Variants in RSAD1 observed in about 807,000 individuals in gnomAD.
RSAD1 encodes radical S-adenosyl methionine domain containing 1.
A neutral mutation model predicts 46.2 loss-of-function variants in RSAD1; 34 were observed. The observed-to-expected ratio is 0.74, with a 90% confidence interval of 0.56 to 0.98. The LOEUF is 0.98. Ranked by LOEUF, RSAD1 falls within the 50% of genes least tolerant of loss-of-function variation. The pLI, the probability that RSAD1 is intolerant of heterozygous loss-of-function variation, is 0.00. For synonymous variants in RSAD1, 260 were observed against 253.5 expected (o/e 1.03, Z -0.24); for missense variants, 635 against 592.3 (o/e 1.07, Z -0.75).
chr17:50,479,552 G>A (rs2143830729), intron 1 of RSAD1, 77 bp from the exon 2 acceptor site: 1 of 1,585,360 alleles, frequency 6.3e-7, no homozygotes, highest in Non-Finnish European at 8.6e-7. Flanking sequence ...GTGGGGGTGG[G>A]GTTGGGGGTG....
intron 3 of RSAD1, 113 bp from the exon 4 acceptor site, chr17:50,481,978 T>C: frequency 7.6e-7 from 1 of 1,312,232 alleles, no homozygotes; most frequent in Non-Finnish European, 1.0e-6. Flanking sequence ...CCTCCTGCCT[T>C]CCAGCTGCCT....
chr17:50,482,431 A>T lies in RSAD1; in HGVS notation c.815A>T (p.Tyr272Phe), dbSNP rs754144508. ...CTTCGGGAGGCTGGCTTCCACCAGT[A>T]TGAGGTCTCCAACTTTGCCCGGAAT... ...AVLREAGFHQYEVSNFARNGA... is the reference protein window; with the variant it reads ...AVLREAGFHQFEVSNFARNGA... Residue 272 changes from tyrosine (Y) to phenylalanine (F), a missense_variant, in exon 4 of 9, where the codon TAT (tyrosine) becomes TTT (phenylalanine). Coordinates refer to ENST00000258955, the MANE Select transcript of RSAD1 (RefSeq NM_018346.3). 1.3e-6 allele frequency: 2 copies of T among 1,589,186 alleles called. No homozygotes were observed. Among genetic ancestry groups the T allele is most frequent in the South Asian group, 2.3e-5 (2 of 88,108 alleles).
intron 2 of RSAD1, 52 bp from the exon 3 acceptor site, chr17:50,479,828 A>T: frequency 6.3e-7 from 1 of 1,591,410 alleles, no homozygotes; most frequent in Non-Finnish European, 8.6e-7. Flanking sequence ...GGATAGGTGC[A>T]GGCATCCCAG....
At position 50,484,939 on chromosome 17, in the gene RSAD1, G is replaced by A. The variant is rs910666577; in HGVS notation, c.*78G>A. 2.7e-5 allele frequency: 31 copies of A among 1,155,258 alleles called. No homozygotes were observed. Among genetic ancestry groups the A allele is most frequent in the African/African-American group, 1.1e-4 (7 of 66,212 alleles). The allele number at this position is 1,155,258 out of a possible 1,614,324, so 71.6% of individuals were successfully genotyped here. A position where few individuals can be genotyped will look rare whatever the true frequency, so the allele number is the denominator to read the frequency against. ...TCGGTACTGCAGACATCTCTTCTCC[G>A]TTGTCGGGTGCCGTCTCTGCTCCTT... On this transcript the variant is annotated 3_prime_UTR_variant, in exon 9 of 9. Transcript: ENST00000258955.
chr17:50,481,477 T>TA (rs934815044), intron 3 of RSAD1, among the ~76,000 whole-genome samples: 1 of 152,256 alleles, frequency 6.6e-6, no homozygotes, highest in Non-Finnish European at 1.5e-5. Context: ...AAGTTAAGTT[T>TA]AATTCACTTA....
At chr17:50,483,939 C>T (rs2033417897) in intron 7 of RSAD1, 179 bp downstream of exon 7, 1 of 612,002 alleles carries the variant, frequency 1.6e-6, no homozygotes, top group African/African-American at 1.9e-5. Flanking sequence ...TGGTGCATAG[C>T]TAAGAACCCT....
chr17:50,483,747 G>T lies in RSAD1; in HGVS notation c.1094G>T (p.Gly365Val). 3 of 1,610,308 alleles carry T rather than the reference G, an allele frequency of 1.9e-6. No individual in the cohort carries two copies. Among genetic ancestry groups the T allele is most frequent in the Non-Finnish European group, 1.7e-6 (2 of 1,178,966 alleles). ...VLALGLRTDV[G>V]ITHQHWQQFE... ...GCCCTGGGGCTACGCACCGATGTGG[G>T]GATCACTCACCAGGTAAGGAGTTAG... Residue 365 changes from glycine (G) to valine (V), a missense_variant, in exon 7 of 9, where the codon GGG becomes GTG. By Grantham distance (109) the Gly-to-Val change is moderately radical. Coordinates refer to ENST00000258955, the MANE Select transcript of RSAD1 (RefSeq NM_018346.3).
In RSAD1 at chr17:50,478,914, C is replaced by T. The variant is rs577328578; in HGVS notation, c.30C>T (p.Gly10=). Reference sequence around the variant, plus strand: ...CGCTCCCCGGAGCCCGGGCTCGCGGCTGGGCGGCAGCAGCCAGAGCGGCCC... The same window carrying T: ...CGCTCCCCGGAGCCCGGGCTCGCGGTTGGGCGGCAGCAGCCAGAGCGGCCC... MALPGARAR[G]WAAAARAAQR... is the part of the protein sequence containing the mutation. Residue 10 remains glycine (G), a synonymous_variant, in exon 1 of 9, where the codon GGC becomes GGT. Transcript: ENST00000258955. The T allele has an allele frequency of 4.3e-5, 57 of 1,329,392 alleles. No individual in the cohort carries two copies. The African/African-American group carries it at 8.1e-4, about 19-fold the overall frequency. The allele number at this position is 1,329,392 out of a possible 1,614,324, so 82.3% of individuals were successfully genotyped here.
chr17:50,480,655 T>C (rs764238114), intron 3 of RSAD1: 34 of 162,566 alleles, frequency 2.1e-4, no homozygotes, highest in Non-Finnish European at 3.2e-4. Flanking sequence ...TCCAAAACCT[T>C]TGGTGCCTAC....
At position 50,485,038 on chromosome 17, in the gene RSAD1, G is replaced by A. The variant is rs895772494; in HGVS notation, c.*177G>A. On this transcript the variant is annotated 3_prime_UTR_variant, in exon 9 of 9. Transcript: ENST00000258955. ...GTAGATGGGAGGACATTTCTGGTCA[G>A]GGAACTGGCATCCCATTCAGCATCT... 1.7e-6 allele frequency: 1 copy of A among 595,388 alleles called. No individual in the cohort carries two copies. The allele number at this position is 595,388 out of a possible 1,614,324, so 36.9% of individuals were successfully genotyped here.
chr17:50,483,743 G>A lies in RSAD1; in HGVS notation c.1090G>A (p.Val364Met). 6.2e-7 allele frequency: 1 copy of A among 1,611,430 alleles called. No homozygotes were observed. Among genetic ancestry groups the A allele is most frequent in the Non-Finnish European group, 8.5e-7 (1 of 1,179,254 alleles). Residue 364 changes from valine (V) to methionine (M), a missense_variant, in exon 7 of 9, where the codon GTG becomes ATG. Val to Met is a conservative substitution (Grantham distance 21, BLOSUM62 1). Coordinates refer to ENST00000258955, the MANE Select transcript of RSAD1 (RefSeq NM_018346.3). ...TTTGGCCCTGGGGCTACGCACCGAT[G>A]TGGGGATCACTCACCAGGTAAGGAG... is the stretch of plus-strand genomic sequence containing the variant. ...EVLALGLRTD[V>M]GITHQHWQQF...
At chr17:50,483,172 CAAAAA>C (rs71353643) in intron 5 of RSAD1, among the ~76,000 whole-genome samples, 163 bp from the exon 6 acceptor site, 1 of 68,478 alleles carries the variant, frequency 1.5e-5, no homozygotes, top group African/African-American at 7.2e-5. Flanking sequence ...GACACCACCT[CAAAAA>C]AAAAAAAAAA....
chr17:50,483,189 A>AATG, intron 5 of RSAD1, 151 bp from the exon 6 acceptor site: 3 of 264,312 alleles, frequency 1.1e-5, no homozygotes, highest in South Asian at 6.3e-5. Context: ...AAAAAAAAAA[A>AATG]AAAGAAAGAA....
intron 1 of RSAD1, 84 bp downstream of exon 1, chr17:50,479,103 T>G (rs974894017): frequency 1.6e-6 from 2 of 1,252,020 alleles, no homozygotes; most frequent in African/African-American, 3.1e-5. Context: ...AGGTGGCGGT[T>G]TGTCACTCTA....
At chr17:50,480,243 C>G (rs2143832210) in intron 3 of RSAD1, 159 bp downstream of exon 3, 1 of 694,292 alleles carries the variant, frequency 1.4e-6, no homozygotes, top group East Asian at 2.7e-5. Flanking sequence ...CCTTAATTGT[C>G]TGCTGCTGTC....
In RSAD1 at chr17:50,485,873, C is replaced by T. The variant is rs557; in HGVS notation, c.*1012C>T. The T allele has an allele frequency of 0.23, 35,324 of 152,166 alleles. 4,395 individuals carry two copies. The highest frequency in any genetic ancestry group is 0.34 in the Middle Eastern group (101 of 294). The allele number at this position is 152,166 out of a possible 1,614,324, so 9.4% of individuals were successfully genotyped here. A position where few individuals can be genotyped will look rare whatever the true frequency, so the allele number is the denominator to read the frequency against. The stretch of plus-strand genomic sequence containing the variant: ...TTGACCAGAGAAAGGGGAGAGAATT[C>T]GGGAAAGACCCAAAGTGTTTGTAAT... On this transcript the variant is annotated 3_prime_UTR_variant, in exon 9 of 9. Coordinates refer to ENST00000258955, the MANE Select transcript of RSAD1 (RefSeq NM_018346.3).
rs374962399 is a variant in RSAD1 at position 50,483,333 on chromosome 17, T to C, written c.905-7T>C. 2 of 1,612,798 alleles carry C rather than the reference T, an allele frequency of 1.2e-6. No individual in the cohort carries two copies. Among genetic ancestry groups the C allele is most frequent in the African/African-American group, 2.7e-5 (2 of 74,862 alleles). On this transcript the variant is annotated splice_polypyrimidine_tract_variant and splice_region_variant and intron_variant, in intron 5 of 8. Transcript: ENST00000258955. ...ATTAATGTGGGGATGGTTGTTGATG[T>C]TGTCAGGGGCCCATGGACGATTTAT...
rs146577709 is a variant in RSAD1, at chr17:50,483,395, G to C, written c.960G>C (p.Arg320=). 2 of 1,613,806 alleles carry C rather than the reference G, an allele frequency of 1.2e-6. No individual in the cohort carries two copies. Among genetic ancestry groups the C allele is most frequent in the African/African-American group, 2.7e-5 (2 of 74,894 alleles). The stretch of plus-strand genomic sequence containing the variant: ...CTGGAGGCCACACCCGGGAGGCTCG[G>C]ATCCAGACACTGGAGCCTGACAACT... ...QGAGGHTREA[R]IQTLEPDNWM... The change falls in exon 6 of 9, where the codon CGG becomes CGC. Residue 320 remains arginine (R), a synonymous_variant. Transcript: ENST00000258955.
intron 1 of RSAD1, chr17:50,479,383 T>C: frequency 1.9e-6 from 1 of 531,710 alleles, no homozygotes; most frequent in Non-Finnish European, 3.3e-6. Flanking sequence ...TTGGGTTGAA[T>C]TCCTTCCTGA....
Sources: allele counts gnomAD v4.1 joint callset (sites outside exome capture counted in the v4.1 genomes callset), GRCh38; gene constraint gnomAD v4.1.1; transcripts MANE v1.5; gene names NCBI Gene and HGNC (gene_info 2026-07-23, HGNC 2026-07-21).